The following POMGNT1 variants were observed in gnomAD, a reference collection of about 807,000 sequenced individuals.
The protein encoded by POMGNT1 is protein O-linked mannose N-acetylglucosaminyltransferase 1 (beta 1,2-).
A neutral mutation model predicts 95.6 loss-of-function variants in POMGNT1; 67 were observed. That is an observed-to-expected ratio of 0.70 (90% CI 0.58 to 0.86). POMGNT1 has a LOEUF of 0.86. POMGNT1 is among the 40% of genes least tolerant of loss of function. The probability of loss-of-function intolerance (pLI) is 0.00; values close to 1 mark genes in which losing one functional copy is unlikely to be tolerated. For missense variants in POMGNT1, 719 were observed against 855.2 expected, an observed-to-expected ratio of 0.84 and a Z score of 1.99; for synonymous variants, 298 against 317.9, an observed-to-expected ratio of 0.94 and a Z score of 0.66.
chr1:46,200,068 G>T (rs1658492855), upstream of POMGNT1, among the ~76,000 whole-genome samples: 1 of 152,144 alleles, frequency 6.6e-6, no homozygotes, highest in Admixed American at 6.5e-5. Context: ...TACTCAGGAG[G>T]CTGAAGCAGG....
chr1:46,194,738 C>T, intron 7 of POMGNT1, 87 bp from the exon 8 acceptor site: 1 of 1,613,992 alleles, frequency 6.2e-7, no homozygotes, highest in Non-Finnish European at 8.5e-7. Flanking sequence ...TTCATCCAAC[C>T]CACTGCCACT....
chr1:46,216,043 C>CTTTTTTTTTTTTTTTTTTTTTTTTTTTTT lies in POMGNT1; in HGVS notation c.-51+3661_-51+3662insAAAAAAAAAAAAAAAAAAAAAAAAAAAAA, dbSNP rs141982741. Among the ~76,000 whole-genome samples the CTTTTTTTTTTTTTTTTTTTTTTTTTTTTT allele has an allele frequency of 3.2e-5, 3 of 92,540 alleles. 1 individual carries two copies. Among genetic ancestry groups the CTTTTTTTTTTTTTTTTTTTTTTTTTTTTT allele is most frequent in the African/African-American group, 8.6e-5 (2 of 23,228 alleles). The allele number at this position is 92,540 out of a possible 152,430, so 60.7% of individuals were successfully genotyped here. The stretch of plus-strand genomic sequence containing the variant: ...AAAATAATTTCAACTTTTATTTTAT[C>CTTTTTTTTTTTTTTTTTTTTTTTTTTTTT]TTTTTTTTTTTTTTTTTTTTTTTGT... On this transcript the variant is annotated intron_variant, in intron 1 of 22. Transcript: ENST00000371992.
chr1:46,189,854 C>T lies in POMGNT1; in HGVS notation c.1785G>A (p.Lys595=). The change falls in exon 20 of 22, where the codon AAG becomes AAA. Residue 595 remains lysine, a splice_region_variant and synonymous_variant. Coordinates refer to ENST00000371984, the MANE Select transcript of POMGNT1 (RefSeq NM_017739.4). The part of the protein sequence containing the change: ...DDFTTWTQLA[K]CLHIWDLDVR... ...CAGGGTGGGCATGGTATTGGAGCAC[C>T]TTGGCAAGCTGGGTCCAGGTGGTGA... 6.2e-7 allele frequency: 1 copy of T among 1,613,816 alleles called. No homozygotes were observed. The highest frequency in any genetic ancestry group is 1.1e-5 in the South Asian group (1 of 90,908).
At chr1:46,197,568 T>C in intron 2 of POMGNT1, 134 bp downstream of exon 2, 2 of 1,563,374 alleles carry the variant, frequency 1.3e-6, no homozygotes, top group South Asian at 2.3e-5. Flanking sequence ...ACATGACACA[T>C]AGAGGTCTCC....
Position 46,190,710 on chromosome 1 carries a change from C to T in POMGNT1, c.1604+10G>A. The T allele has an allele frequency of 6.2e-7, 1 of 1,611,538 alleles. No homozygotes were observed. The highest frequency in any genetic ancestry group is 8.5e-7 in the Non-Finnish European group (1 of 1,178,348). On this transcript the variant is annotated intron_variant, in intron 18 of 21. Transcript: ENST00000371984. ...AGATATCCACCCCTTGCCCTGCTGC[C>T]AGCCCCAACCTGTCCACATTCCTGA... is the stretch of plus-strand genomic sequence containing the variant.
intron 1 of POMGNT1, among the ~76,000 whole-genome samples, chr1:46,217,172 T>C (rs1659095414): frequency 6.6e-6 from 1 of 152,166 alleles, no homozygotes; most frequent in Admixed American, 6.5e-5. Flanking sequence ...ACCAAGATGA[T>C]AATGGAGGGA....
At chr1:46,214,067 C>T (rs905905542) in intron 1 of POMGNT1, among the ~76,000 whole-genome samples, 5 of 152,018 alleles carry the variant, frequency 3.3e-5, no homozygotes, top group Non-Finnish European at 5.9e-5. Context: ...AACTTGAGGC[C>T]GGGCATGGTG....
At position 46,188,742 on chromosome 1, in the gene POMGNT1, C is replaced by A; in HGVS notation, c.*528G>T. 7 of 1,609,662 alleles carry A rather than the reference C, an allele frequency of 4.3e-6. No homozygotes were observed. The highest frequency in any genetic ancestry group is 5.9e-6 in the Non-Finnish European group (7 of 1,177,604). ...ACTTATCCAGCTTTGGAAATCTGGA[C>A]AAAGAGAAGGCTGAGAGGAGGCCTG... On this transcript the variant is annotated 3_prime_UTR_variant, in exon 22 of 22. Transcript: ENST00000371984.
chr1:46,206,901 T>C (rs915983071), intron 1 of POMGNT1, among the ~76,000 whole-genome samples: 5 of 152,100 alleles, frequency 3.3e-5, no homozygotes, highest in African/African-American at 1.2e-4. Context: ...CAGAAGAACA[T>C]TTCTAGTACA....
At position 46,196,939 on chromosome 1, in the gene POMGNT1, G is replaced by A; in HGVS notation, c.235+31C>T. On this transcript the variant is annotated intron_variant, in intron 3 of 21. Coordinates refer to ENST00000371984, the MANE Select transcript of POMGNT1 (RefSeq NM_017739.4). The surrounding 1 kb of genome is among the most constrained non-coding windows in gnomAD (Gnocchi z 4.4). ...TGCCACTCCAGCTGTGAGATCCAAG[G>A]CCCCCTACCCCATCCTTAGCCTAGC... The A allele has an allele frequency of 5.0e-6, 8 of 1,614,164 alleles. No individual in the cohort carries two copies. Among genetic ancestry groups the A allele is most frequent in the Non-Finnish European group, 6.8e-6 (8 of 1,180,016 alleles).
In POMGNT1 at chr1:46,196,008, T is replaced by C; in HGVS notation, c.420+4A>G. On this transcript the variant is annotated splice_donor_region_variant and intron_variant, in intron 5 of 21. Coordinates refer to ENST00000371984, the MANE Select transcript of POMGNT1 (RefSeq NM_017739.4). The surrounding 1 kb of genome is among the most constrained non-coding windows in gnomAD (Gnocchi z 4.4). ...CTCTGGGTCACCCACCCCTAGAAACTCACCGTGGCCTGGTTGAGGACAATG... is the reference window on the plus strand; with the variant it reads ...CTCTGGGTCACCCACCCCTAGAAACCCACCGTGGCCTGGTTGAGGACAATG... 6.2e-7 allele frequency: 1 copy of C among 1,613,952 alleles called. No homozygotes were observed. Among genetic ancestry groups the C allele is most frequent in the Non-Finnish European group, 8.5e-7 (1 of 1,179,994 alleles).
At chr1:46,198,527 C>CGGCGGCGGCGGCGGCGGT (rs1658420108), upstream of POMGNT1, 3 of 146,364 alleles carry the variant, frequency 2.0e-5, no homozygotes, top group Non-Finnish European at 4.2e-5. Flanking sequence ...AGGGCGGCGG[C>CGGCGGCGGCGGCGGCGGT]GGCGGCGGCG....
chr1:46,188,820 C>T lies in POMGNT1; in HGVS notation c.*450G>A, dbSNP rs2148158330. The T allele has an allele frequency of 6.2e-7, 1 of 1,612,928 alleles. No individual in the cohort carries two copies. The highest frequency in any genetic ancestry group is 1.1e-5 in the South Asian group (1 of 91,088). ...GTCTGTGTCAGCATGTGGGCCCCAG[C>T]TGGGCCTGTCCATGGGTTGGGCACA... On this transcript the variant is annotated 3_prime_UTR_variant, in exon 22 of 22. Transcript: ENST00000371984.
At chr1:46,202,108 G>GA (rs572883655), upstream of POMGNT1, among the ~76,000 whole-genome samples, 15,891 of 136,314 alleles carry the variant, frequency 0.12, 1,141 homozygotes, top group South Asian at 0.18. Flanking sequence ...AACACCAAAA[G>GA]AAAAAAAAAA....
chr1:46,193,474 C>T, intron 11 of POMGNT1, 86 bp from the exon 12 acceptor site: 1 of 1,610,318 alleles, frequency 6.2e-7, no homozygotes. Context: ...TTTCACAGCC[C>T]TTGCCTGGGC....
upstream of POMGNT1, among the ~76,000 whole-genome samples, chr1:46,201,697 CA>C (rs59930051): frequency 0.32 from 27,309 of 85,376 alleles, 1,774 homozygotes; most frequent in Admixed American, 0.39. Context: ...GACTCCATCT[CA>C]AAAAAAAAAA....
chr1:46,219,782 G>C, exon 1 of POMGNT1: 2 of 1,614,158 alleles, frequency 1.2e-6, no homozygotes, highest in Non-Finnish European at 1.7e-6. Context: ...GCTGGCTGTT[G>C]GAGGAGCGGG....
At position 46,194,968 on chromosome 1, in the gene POMGNT1, G is replaced by T; in HGVS notation, c.535-7C>A. On this transcript the variant is annotated splice_polypyrimidine_tract_variant and splice_region_variant and intron_variant, in intron 6 of 21. Transcript: ENST00000371984. ...GGTGGAAGGAGCCCTCATCCTGGGGGACCAGAGAAGGCAGTTAGCCTGACT... is the reference window on the plus strand; with the variant it reads ...GGTGGAAGGAGCCCTCATCCTGGGGTACCAGAGAAGGCAGTTAGCCTGACT... 1 of 1,613,688 alleles carries T rather than the reference G, an allele frequency of 6.2e-7. No homozygotes were observed. The highest frequency in any genetic ancestry group is 1.1e-5 in the South Asian group (1 of 91,066).
chr1:46,211,637 C>A (rs1448506432), intron 1 of POMGNT1, among the ~76,000 whole-genome samples: 1 of 152,190 alleles, frequency 6.6e-6, no homozygotes, highest in Non-Finnish European at 1.5e-5. Flanking sequence ...GATAGTACCT[C>A]ATATTATAAT....
Sources: gnomAD v4.1 joint callset for allele counts (sites outside exome capture counted in the v4.1 genomes callset) on GRCh38, gnomAD v4.1.1 for gene constraint, Gnocchi (gnomAD v3.1) non-coding constraint, MANE v1.5 for transcripts, NCBI Gene and HGNC (gene_info 2026-07-23, HGNC 2026-07-21) for gene names.